SREBF2: variants seen among roughly 807,000 people sequenced by gnomAD.
SREBF2 encodes the protein sterol regulatory element-binding protein 2.
A neutral mutation model predicts 113.1 loss-of-function variants in SREBF2; 55 were observed. That is an observed-to-expected ratio of 0.49 (90% CI 0.39 to 0.61). The LOEUF (loss-of-function observed/expected upper bound fraction) is 0.61, where lower values mean the gene tolerates loss of function less well. Among genes scored for constraint, SREBF2 ranks in the 20% least tolerant of loss-of-function variants. SREBF2 has a pLI of 0.00. For missense variants in SREBF2, 1,349 were observed against 1,487.4 expected (o/e 0.91, Z 1.53); for synonymous variants, 593 against 605.7 (o/e 0.98, Z 0.31).
chr22:41,858,075 CATT>C (rs1462530648), intron 1 of SREBF2, among the ~76,000 whole-genome samples: 1 of 152,080 alleles, frequency 6.6e-6, no homozygotes, highest in African/African-American at 2.4e-5. Flanking sequence ...TAGAAAAAAA[CATT>C]GTGGGTGGGG....
At chr22:41,839,397 C>T (rs1020516281) in intron 1 of SREBF2, among the ~76,000 whole-genome samples, 1 of 151,976 alleles carries the variant, frequency 6.6e-6, no homozygotes, top group Non-Finnish European at 1.5e-5. Flanking sequence ...AAAGTGTTAG[C>T]TTTTCAAGGA....
At chr22:41,887,705 G>A (rs6002521) in intron 11 of SREBF2, among the ~76,000 whole-genome samples, 15,765 of 152,172 alleles carry the variant, frequency 0.1, 1,407 homozygotes, top group African/African-American at 0.24. Context: ...TTCAGGAAAC[G>A]TGACTGCATT....
rs761130824 is a variant in SREBF2, at chr22:41,878,065, C to T, written c.1703C>T (p.Ser568Leu). Residue 568 changes from serine to leucine, a missense_variant, in exon 9 of 19, where the codon TCG (serine) becomes TTG (leucine). Coordinates refer to ENST00000361204, the MANE Select transcript of SREBF2 (RefSeq NM_004599.4). ...GGGGAGCCAGTGATCCGGCCACACTCGCGCTCCTCGGTCACCTTCTGGAGG... is the reference window on the plus strand; with the variant it reads ...GGGGAGCCAGTGATCCGGCCACACTTGCGCTCCTCGGTCACCTTCTGGAGG... Reference protein sequence around the residue: ...VHGEPVIRPHSRSSVTFWRHR... With the variant: ...VHGEPVIRPHLRSSVTFWRHR... 1.9e-6 allele frequency: 3 copies of T among 1,614,146 alleles called. No individual in the cohort carries two copies. Among genetic ancestry groups the T allele is most frequent in the Non-Finnish European group, 2.5e-6 (3 of 1,180,032 alleles).
At chr22:41,902,233 C>T (rs1021029531) in intron 16 of SREBF2, among the ~76,000 whole-genome samples, 2 of 152,326 alleles carry the variant, frequency 1.3e-5, no homozygotes, top group African/African-American at 2.4e-5. Context: ...TGCTCGGTGT[C>T]GTGCAGGTGT....
chr22:41,840,640 A>G (rs1196929706), intron 1 of SREBF2, among the ~76,000 whole-genome samples: 2 of 152,320 alleles, frequency 1.3e-5, no homozygotes, highest in East Asian at 3.9e-4. Context: ...AGAATTTTGA[A>G]GGCATTGTCT....
intron 16 of SREBF2, 145 bp downstream of exon 16, chr22:41,900,643 C>T (rs770302842): frequency 6.8e-5 from 57 of 839,512 alleles, no homozygotes; most frequent in Non-Finnish European, 6.6e-5. Flanking sequence ...AAAAAAGTTA[C>T]GGCTTATTGG....
At chr22:41,873,542 T>G in intron 4 of SREBF2, 1 of 519,206 alleles carries the variant, frequency 1.9e-6, no homozygotes, top group East Asian at 3.4e-5. Flanking sequence ...GATCAAAACT[T>G]AAAACATATT....
chr22:41,893,551 C>G (rs948819053), intron 12 of SREBF2, among the ~76,000 whole-genome samples: 1 of 152,158 alleles, frequency 6.6e-6, no homozygotes, highest in Non-Finnish European at 1.5e-5. Flanking sequence ...ATGGTCCTTA[C>G]ATCACACAGC....
At chr22:41,885,231 T>C (rs772432118) in intron 11 of SREBF2, among the ~76,000 whole-genome samples, 57 of 152,222 alleles carry the variant, frequency 3.7e-4, no homozygotes, top group Admixed American at 6.5e-4. Flanking sequence ...ATAAGCCTTG[T>C]AGGCAGGACA....
intron 5 of SREBF2, among the ~76,000 whole-genome samples, chr22:41,874,735 G>A (rs1489954401): frequency 1.3e-5 from 2 of 152,084 alleles, no homozygotes; most frequent in Non-Finnish European, 2.9e-5. Context: ...GTGAAACCCC[G>A]TCTCTACTAA....
chr22:41,897,676 C>T (rs1422180143), intron 14 of SREBF2, among the ~76,000 whole-genome samples: 1 of 152,234 alleles, frequency 6.6e-6, no homozygotes, highest in African/African-American at 2.4e-5. Context: ...GATGATAGCA[C>T]ATCAGCTGCC....
At chr22:41,887,559 AG>A (rs1478065169) in intron 11 of SREBF2, among the ~76,000 whole-genome samples, 1 of 152,256 alleles carries the variant, frequency 6.6e-6, no homozygotes. Flanking sequence ...GTTGTTATGT[AG>A]AATTATAGAT....
At chr22:41,868,544 T>G (rs1247117891) in intron 2 of SREBF2, 67 bp from the exon 3 acceptor site, 5 of 1,559,862 alleles carry the variant, frequency 3.2e-6, no homozygotes, top group East Asian at 2.2e-5. Flanking sequence ...TCCTCAGGTT[T>G]CTGCTGCAGC....
chr22:41,880,729 C>G lies in SREBF2; in HGVS notation c.1775C>G (p.Ala592Gly). 1 of 1,614,226 alleles carries G rather than the reference C, an allele frequency of 6.2e-7. No homozygotes were observed. The highest frequency in any genetic ancestry group is 1.1e-5 in the South Asian group (1 of 91,076). ...GATACTTTGTAGGGAGATTTTGCAG[C>G]TGCTGCCGGCAACCTACAAACCTGC... ...DLDLARGDFAAAAGNLQTCLA... is the reference protein window; with the variant it reads ...DLDLARGDFAGAAGNLQTCLA... The change falls in exon 10 of 19, where the codon GCT becomes GGT. Residue 592 changes from alanine (A) to glycine (G), a missense_variant. By Grantham distance (60) the Ala-to-Gly change is moderately conservative (BLOSUM62 0). Around this residue, in one of 2 missense-constraint regions of SREBF2, gnomAD observed 699 missense variants for 843.3 expected, o/e 0.83. Transcript: ENST00000361204.
At chr22:41,896,965 T>C (rs1181421058) in intron 13 of SREBF2, 87 bp from the exon 14 acceptor site, 2 of 928,584 alleles carry the variant, frequency 2.2e-6, no homozygotes, top group African/African-American at 3.3e-5. Flanking sequence ...CATTGGGTCT[T>C]AGAGCTGGAG....
At chr22:41,881,476 T>C (rs1028623004) in intron 10 of SREBF2, among the ~76,000 whole-genome samples, 3 of 151,816 alleles carry the variant, frequency 2.0e-5, no homozygotes, top group African/African-American at 7.3e-5. Flanking sequence ...GTTTGGAGGG[T>C]TTCAAGAAAG....
chr22:41,876,918 C>G (rs2077202001), intron 7 of SREBF2, among the ~76,000 whole-genome samples: 1 of 152,100 alleles, frequency 6.6e-6, no homozygotes, highest in Admixed American at 6.5e-5. Flanking sequence ...TTTGCCTGTT[C>G]TGGAATTATA....
chr22:41,848,030 C>G (rs12373989), intron 1 of SREBF2, among the ~76,000 whole-genome samples: 12,086 of 151,856 alleles, frequency 0.08, 1,432 homozygotes, highest in African/African-American at 0.25. Flanking sequence ...ATTCTCCTGC[C>G]TCAGCTTCCC....
intron 16 of SREBF2, among the ~76,000 whole-genome samples, chr22:41,900,748 T>C (rs1383290879): frequency 1.3e-5 from 2 of 152,230 alleles, no homozygotes; most frequent in Non-Finnish European, 2.9e-5. Flanking sequence ...CAGGTCCTGC[T>C]GGCCCATAGC....
Sources: gnomAD v4.1 joint callset for allele counts (sites outside exome capture counted in the v4.1 genomes callset) on GRCh38, gnomAD v4.1.1 for gene constraint, gnomAD v4.1.1 regional missense constraint, MANE v1.5 for transcripts, NCBI Gene and HGNC (gene_info 2026-07-23, HGNC 2026-07-21) for gene names.